Variants in NT5DC1 observed in about 807,000 individuals in gnomAD.
The protein encoded by NT5DC1 is 5'-nucleotidase domain containing 1, also known as 5'-nucleotidase domain-containing protein 1.
Under a neutral mutation model 59.4 loss-of-function variants are expected in NT5DC1, and 42 were observed. That is an observed-to-expected ratio of 0.71 (90% CI 0.55 to 0.92). The LOEUF is 0.92. Ranked by LOEUF, NT5DC1 falls within the 40% of genes least tolerant of loss-of-function variation. NT5DC1 has a pLI of 0.00. For missense variants in NT5DC1, 501 were observed against 537.1 expected, an observed-to-expected ratio of 0.93 and a Z score of 0.66; for synonymous variants, 172 against 188.1, an observed-to-expected ratio of 0.91 and a Z score of 0.70.
intron 6 of NT5DC1, among the ~76,000 whole-genome samples, chr6:116,146,601 T>C (rs1445599542): frequency 6.6e-6 from 1 of 152,160 alleles, no homozygotes; most frequent in Non-Finnish European, 1.5e-5. Context: ...TAGGAATAAA[T>C]CTAGGGAAAA....
chr6:116,160,452 T>C (rs1225987134), intron 6 of NT5DC1, among the ~76,000 whole-genome samples: 3 of 152,214 alleles, frequency 2.0e-5, no homozygotes, highest in Admixed American at 2.0e-4. Flanking sequence ...TTGTCTACTT[T>C]TTAATGGAAT....
Position 116,109,412 on chromosome 6 carries a change from A to G in NT5DC1, c.257+977A>G, listed in dbSNP as rs143383230. Among the ~76,000 whole-genome samples the G allele has an allele frequency of 2.5e-3, 387 of 152,290 alleles. 10 individuals are homozygous for G. In the South Asian group the frequency reaches 0.044, roughly 17 times the overall value. On this transcript the variant is annotated intron_variant, in intron 3 of 11. Transcript: ENST00000319550. ...ATGTGTAAATGCAGCTTTGTCTATG[A>G]CCTTTAACTCTTCTGTCAGATTCTC...
intron 6 of NT5DC1, among the ~76,000 whole-genome samples, chr6:116,203,156 C>T (rs189593686): frequency 6.6e-6 from 1 of 152,040 alleles, no homozygotes; most frequent in African/African-American, 2.4e-5. Context: ...GGTTGCTTTT[C>T]TATACTAAAC....
chr6:116,112,179 G>A (rs1321053450), intron 4 of NT5DC1, among the ~76,000 whole-genome samples: 5 of 152,200 alleles, frequency 3.3e-5, no homozygotes, highest in African/African-American at 9.7e-5. Flanking sequence ...TCTGAGAATG[G>A]TCCTGGGAGT....
intron 6 of NT5DC1, among the ~76,000 whole-genome samples, chr6:116,172,047 T>C (rs1780619961): frequency 6.6e-6 from 1 of 152,128 alleles, no homozygotes. Flanking sequence ...GAAAACACTC[T>C]CACTTCCATC....
chr6:116,178,100 CGCGT>C lies in NT5DC1; in HGVS notation c.530-42944_530-42941del, dbSNP rs1554198237. 8.0e-3 allele frequency among the ~76,000 whole-genome samples: 824 copies of C among 102,912 alleles called. 9 individuals are homozygous for C. The highest frequency in any genetic ancestry group is 0.03 in the African/African-American group (687 of 23,182). The allele number at this position is 102,912 out of a possible 152,430, so 67.5% of individuals were successfully genotyped here. On this transcript the variant is annotated intron_variant, in intron 6 of 11. Transcript: ENST00000319550. ...GTGTGTGTGTGTGTGCGCGCGCGCG[CGCGT>C]GCGTGCGTGTGTGTGTGTGTGTGTG...
chr6:116,133,647 G>A (rs1318524389), intron 6 of NT5DC1, among the ~76,000 whole-genome samples: 1 of 151,750 alleles, frequency 6.6e-6, no homozygotes, highest in Non-Finnish European at 1.5e-5. Context: ...AGTAATGCTG[G>A]GCCCTTGTCT....
chr6:116,147,947 C>G (rs551151714), intron 6 of NT5DC1, among the ~76,000 whole-genome samples: 4 of 151,340 alleles, frequency 2.6e-5, no homozygotes, highest in African/African-American at 9.7e-5. Flanking sequence ...GATCGCGCCA[C>G]TGCACTCCAG....
chr6:116,131,514 A>G (rs1779464536), intron 6 of NT5DC1, among the ~76,000 whole-genome samples: 1 of 152,142 alleles, frequency 6.6e-6, no homozygotes, highest in Non-Finnish European at 1.5e-5. Flanking sequence ...TATAGATAAC[A>G]GTTTATATTG....
Position 116,182,235 on chromosome 6 carries a change from G to GTGTGTGTGTA in NT5DC1, c.530-38810_530-38809insATGTGTGTGT, listed in dbSNP as rs1562154226. The stretch of plus-strand genomic sequence containing the variant: ...TATTCCATGGAGAGTGTGTGTGTGT[G>GTGTGTGTGTA]TGTGTGTGTGTGTGTGTGTATCACA... On this transcript the variant is annotated intron_variant, in intron 6 of 11. Transcript: ENST00000319550. 2.8e-4 allele frequency among the ~76,000 whole-genome samples: 43 copies of GTGTGTGTGTA among 151,424 alleles called. 1 individual carries two copies. Among genetic ancestry groups the GTGTGTGTGTA allele is most frequent in the African/African-American group, 2.9e-4 (12 of 41,218 alleles).
Position 116,238,157 on chromosome 6 carries a change from C to T in NT5DC1, c.922-30C>T, listed in dbSNP as rs772463601. 2.6e-6 allele frequency: 4 copies of T among 1,536,742 alleles called. No individual in the cohort carries two copies. In the East Asian group the frequency reaches 7.1e-5, roughly 27 times the overall value. ...AAATGCCACTTTCACAATTCTGTGC[C>T]TCAAACAGCATCTGCTATCTGTCTT... On this transcript the variant is annotated intron_variant, in intron 9 of 11. Transcript: ENST00000319550.
chr6:116,234,798 G>A (rs1346676550), intron 8 of NT5DC1, among the ~76,000 whole-genome samples: 2 of 152,188 alleles, frequency 1.3e-5, no homozygotes, highest in African/African-American at 2.4e-5. Context: ...CCTCTGTACT[G>A]TACAGCTTCC....
intron 6 of NT5DC1, among the ~76,000 whole-genome samples, chr6:116,184,521 T>A (rs974639952): frequency 8.5e-5 from 13 of 152,058 alleles, no homozygotes; most frequent in African/African-American, 3.1e-4. Context: ...GATCCTGGCC[T>A]TTTTTTGTTG....
intron 6 of NT5DC1, among the ~76,000 whole-genome samples, chr6:116,188,702 T>C (rs891540080): frequency 3.3e-5 from 4 of 120,858 alleles, no homozygotes; most frequent in African/African-American, 1.5e-4. Flanking sequence ...CTGGAAATTT[T>C]CTACTTTTTT....
rs754560411 is a variant in NT5DC1 at position 116,106,340 on chromosome 6, GTTC to G, written c.185+8_185+10del. ...CCCAGAGGATTGGGATTTCTGGTAA[GTTC>G]TTTTTTTTTTTTTTTTTTTAAGTCT... On this transcript the variant is annotated splice_donor_region_variant and intron_variant, in intron 2 of 11. Coordinates refer to ENST00000319550, the MANE Select transcript of NT5DC1 (RefSeq NM_152729.3). The G allele has an allele frequency of 8.5e-5, 84 of 988,642 alleles. No individual in the cohort carries two copies. The highest frequency in any genetic ancestry group is 2.8e-4 in the Admixed American group (12 of 42,706). The allele number at this position is 988,642 out of a possible 1,614,324, so 61.2% of individuals were successfully genotyped here. A position where few individuals can be genotyped will look rare whatever the true frequency, so the allele number is the denominator to read the frequency against.
chr6:116,169,244 G>C (rs1185636349), intron 6 of NT5DC1, among the ~76,000 whole-genome samples: 1 of 152,132 alleles, frequency 6.6e-6, no homozygotes, highest in African/African-American at 2.4e-5. Flanking sequence ...CTGTTAAGCA[G>C]GTATTTTTTA....
intron 6 of NT5DC1, among the ~76,000 whole-genome samples, chr6:116,182,282 CTT>C (rs1014629579): frequency 2.1e-5 from 3 of 145,110 alleles, no homozygotes; most frequent in African/African-American, 7.9e-5. Flanking sequence ...TTTATCCACT[CTT>C]TGATTGATGA....
chr6:116,155,880 G>C (rs1030698991), intron 6 of NT5DC1, among the ~76,000 whole-genome samples: 3 of 151,850 alleles, frequency 2.0e-5, no homozygotes, highest in African/African-American at 4.8e-5. Flanking sequence ...TATATAAATG[G>C]AAGTGGAGGT....
At chr6:116,179,653 CG>C (rs1780831918) in intron 6 of NT5DC1, among the ~76,000 whole-genome samples, 1 of 152,000 alleles carries the variant, frequency 6.6e-6, no homozygotes. Context: ...AAAAGAATAA[CG>C]GGTTTTGAAC....
Sources: allele counts gnomAD v4.1 joint callset (sites outside exome capture counted in the v4.1 genomes callset), GRCh38; gene constraint gnomAD v4.1.1; transcripts MANE v1.5; gene names NCBI Gene and HGNC (gene_info 2026-07-23, HGNC 2026-07-21).